The following PREP variants were observed in gnomAD, a reference collection of about 807,000 sequenced individuals.
PREP encodes prolyl endopeptidase, also known as dJ355L5.1 (prolyl endopeptidase).
In PREP, 29 loss-of-function variants were observed where a neutral mutation model predicts 87.6. That is an observed-to-expected ratio of 0.33 (90% CI 0.25 to 0.45). PREP has a LOEUF of 0.45. PREP is among the 20% of genes least tolerant of loss of function. The probability of loss-of-function intolerance (pLI) is 1.00; values close to 1 mark genes in which losing one functional copy is unlikely to be tolerated. For missense variants in PREP, 695 were observed against 886.5 expected, an observed-to-expected ratio of 0.78 and a Z score of 2.74; for synonymous variants, 337 against 328.6, an observed-to-expected ratio of 1.03 and a Z score of -0.28.
At chr6:105,309,398 G>A (rs1258286043) in intron 10 of PREP, among the ~76,000 whole-genome samples, 2 of 152,016 alleles carry the variant, frequency 1.3e-5, no homozygotes, top group Non-Finnish European at 2.9e-5. Context: ...TATTGTGGGT[G>A]TAATGTGTTT....
intron 2 of PREP, among the ~76,000 whole-genome samples, chr6:105,396,802 T>C (rs1351692730): frequency 6.6e-6 from 1 of 152,100 alleles, no homozygotes; most frequent in Non-Finnish European, 1.5e-5. Context: ...TTATGTACTA[T>C]GGTTATAAAT....
intron 10 of PREP, among the ~76,000 whole-genome samples, chr6:105,295,104 GTCTTCCA>G (rs1770379665): frequency 6.6e-6 from 1 of 151,058 alleles, no homozygotes; most frequent in Non-Finnish European, 1.5e-5. Flanking sequence ...CTTCCTCAAA[GTCTTCCA>G]TCTTTTCCCA....
At position 105,323,901 on chromosome 6, in the gene PREP, CCA is replaced by C. The variant is rs1470007061; in HGVS notation, c.1214-135_1214-134del. On this transcript the variant is annotated intron_variant, in intron 9 of 14. Coordinates refer to ENST00000652536, the MANE Select transcript of PREP (RefSeq NM_002726.5). ...TTATCAGGGACTTGGTTAATCCCCA[CCA>C]CAGTCGAAGGCTCACTGCAGACAAG... 37 of 759,418 alleles carry C rather than the reference CCA, an allele frequency of 4.9e-5. No individual in the cohort carries two copies. The African/African-American group carries it at 6.2e-4, about 13-fold the overall frequency. 47.0% of individuals were successfully genotyped at this position (759,418 alleles called of 1,614,324 possible). A position where few individuals can be genotyped will look rare whatever the true frequency, so the allele number is the denominator to read the frequency against.
At chr6:105,341,777 T>C (rs1315015357) in intron 7 of PREP, among the ~76,000 whole-genome samples, 1 of 152,168 alleles carries the variant, frequency 6.6e-6, no homozygotes, top group African/African-American at 2.4e-5. Context: ...GCAAGTAAAC[T>C]AGAAAATCTA....
intron 10 of PREP, chr6:105,322,656 C>T: frequency 1.0e-6 from 1 of 990,462 alleles, no homozygotes; most frequent in Non-Finnish European, 1.2e-6. Flanking sequence ...CAACCACAGG[C>T]AATATGTAAA....
At chr6:105,326,969 A>C (rs1157577141) in intron 9 of PREP, among the ~76,000 whole-genome samples, 1 of 152,160 alleles carries the variant, frequency 6.6e-6, no homozygotes, top group African/African-American at 2.4e-5. Context: ...AGCATTTTAC[A>C]CTTGGACAAT....
intron 5 of PREP, among the ~76,000 whole-genome samples, chr6:105,371,730 A>T (rs901209384): frequency 2.0e-5 from 3 of 152,122 alleles, no homozygotes; most frequent in Admixed American, 1.3e-4. Flanking sequence ...TTTCAGGGAC[A>T]CTGGTAAGAA....
At chr6:105,284,228 A>G (rs954742378) in intron 12 of PREP, among the ~76,000 whole-genome samples, 1 of 152,182 alleles carries the variant, frequency 6.6e-6, no homozygotes, top group Admixed American at 6.5e-5. Context: ...TCTGGGGATG[A>G]TAACTGGCAA....
At chr6:105,287,461 G>C (rs1441165569) in intron 11 of PREP, among the ~76,000 whole-genome samples, 2 of 152,070 alleles carry the variant, frequency 1.3e-5, no homozygotes, top group African/African-American at 4.8e-5. Flanking sequence ...TCAGCTCCTT[G>C]CTAACAAAAG....
At chr6:105,323,615 G>A in intron 10 of PREP, 50 bp downstream of exon 10, 2 of 1,497,726 alleles carry the variant, frequency 1.3e-6, no homozygotes, top group Non-Finnish European at 1.9e-6. Flanking sequence ...GGCCCAGCCT[G>A]AAAGTCAGAC....
intron 10 of PREP, among the ~76,000 whole-genome samples, chr6:105,303,788 C>T (rs1166096489): frequency 6.6e-6 from 1 of 152,172 alleles, no homozygotes; most frequent in Admixed American, 6.5e-5. Context: ...GCAGACAGAA[C>T]CTAGTGACAG....
intron 2 of PREP, among the ~76,000 whole-genome samples, chr6:105,397,054 A>G (rs575178092): frequency 1.3e-5 from 2 of 151,952 alleles, no homozygotes; most frequent in Non-Finnish European, 1.5e-5. Flanking sequence ...GTGTGGTGGC[A>G]CATGCCTGTA....
In PREP at chr6:105,322,827, C is replaced by T. The variant is rs1771047526; in HGVS notation, c.1317+838G>A. 11 of 1,131,076 alleles carry T rather than the reference C, an allele frequency of 9.7e-6. No homozygotes were observed. In the South Asian group the frequency reaches 2.4e-4, roughly 24 times the overall value. 70.1% of individuals were successfully genotyped at this position (1,131,076 alleles called of 1,614,324 possible). ...TCTAGATGTAGCCTATCATCTAGAC[C>T]ATTTCTAGACAATTGAAGGGTAATT... On this transcript the variant is annotated intron_variant, in intron 10 of 14. Transcript: ENST00000652536.
At chr6:105,338,755 C>T (rs888683160) in intron 7 of PREP, among the ~76,000 whole-genome samples, 3 of 152,220 alleles carry the variant, frequency 2.0e-5, no homozygotes, top group Non-Finnish European at 2.9e-5. Flanking sequence ...GCCCCTGGCT[C>T]GGAGGGTCCC....
chr6:105,393,959 C>T (rs1773227012), intron 2 of PREP, among the ~76,000 whole-genome samples: 1 of 150,678 alleles, frequency 6.6e-6, no homozygotes, highest in Non-Finnish European at 1.5e-5. Flanking sequence ...TGAAATCCAG[C>T]ATGTATTTTA....
intron 8 of PREP, among the ~76,000 whole-genome samples, chr6:105,330,888 T>C (rs370456839): frequency 3.3e-4 from 51 of 152,318 alleles, no homozygotes; most frequent in African/African-American, 1.1e-3. Context: ...CCAAAAGTAA[T>C]TTGCTCATTC....
chr6:105,354,295 T>C (rs1230080664), intron 6 of PREP, among the ~76,000 whole-genome samples: 1 of 152,216 alleles, frequency 6.6e-6, no homozygotes, highest in Non-Finnish European at 1.5e-5. Context: ...CCAGTGTATA[T>C]AACTAGAAGT....
intron 14 of PREP, chr6:105,281,182 G>A (rs1427613519): frequency 1.3e-5 from 2 of 152,474 alleles, no homozygotes; most frequent in East Asian, 1.9e-4. Flanking sequence ...GCAGTCTCGG[G>A]ATGTTGGCAG....
chr6:105,349,887 G>T (rs1022208773), intron 7 of PREP, among the ~76,000 whole-genome samples: 7 of 133,656 alleles, frequency 5.2e-5, no homozygotes, highest in African/African-American at 2.0e-4. Flanking sequence ...TAACAAAATT[G>T]GGGAAGCAGG....
Sources: allele counts gnomAD v4.1 joint callset (sites outside exome capture counted in the v4.1 genomes callset), GRCh38; gene constraint gnomAD v4.1.1; transcripts MANE v1.5; gene names NCBI Gene and HGNC (gene_info 2026-07-23, HGNC 2026-07-21).